Variants in KRT84 observed in about 807,000 individuals in gnomAD.
The protein encoded by KRT84 is keratin 84, also known as keratin, type II cuticular Hb4.
Under a neutral mutation model 49.0 loss-of-function variants are expected in KRT84, and 38 were observed. The observed-to-expected ratio is 0.78, with a 90% CI of 0.60 to 1.02. The LOEUF (loss-of-function observed/expected upper bound fraction) is 1.02. Among genes scored for constraint, KRT84 ranks in the 50% least tolerant of loss-of-function variants. KRT84 has a pLI of 0.00. For synonymous variants in KRT84, 334 were observed against 312.8 expected, an observed-to-expected ratio of 1.07 and a Z score of -0.72; for missense variants, 860 against 788.6, an observed-to-expected ratio of 1.09 and a Z score of -1.08.
At position 52,383,664 on chromosome 12, in the gene KRT84, C is replaced by A; in HGVS notation, c.681G>T (p.Val227=). 2 of 1,614,182 alleles carry A rather than the reference C, an allele frequency of 1.2e-6. No homozygotes were observed. The highest frequency in any genetic ancestry group is 1.7e-6 in the Non-Finnish European group (2 of 1,180,052). ...GGAGCCGGGCCTGATCACTGACCAG[C>A]ACCTCCAACTGCCTCCGCAGGTTGG... ...YITNLRRQLE[V]LVSDQARLQA... The change falls in exon 2 of 9, where the codon GTG becomes GTT. Residue 227 remains valine (V), a synonymous_variant. Transcript: ENST00000257951.
chr12:52,378,306 C>G lies in KRT84; in HGVS notation c.1531G>C (p.Gly511Arg), dbSNP rs369407347. The G allele has an allele frequency of 1.3e-6, 2 of 1,539,152 alleles. No individual in the cohort carries two copies. Among genetic ancestry groups the G allele is most frequent in the African/African-American group, 1.4e-5 (1 of 72,800 alleles). ...CTGCTGCTACCTGAGAAGGTGACCC[C>G]GCCGCGGGAGAGGGTGGAGCCGGCA... ...LVAGSTLSRG[G>R]VTFSGSSSVC... Residue 511 changes from glycine (G) to arginine (R), a missense_variant, in exon 9 of 9, where the codon GGG becomes CGG. By Grantham distance (125) the Gly-to-Arg change is moderately radical. Transcript: ENST00000257951.
At chr12:52,386,043 T>C (rs1472681518), upstream of KRT84, among the ~76,000 whole-genome samples, 2 of 152,174 alleles carry the variant, frequency 1.3e-5, no homozygotes, top group Non-Finnish European at 2.9e-5. Context: ...ATGGGATGCA[T>C]CCATGAAGAT....
chr12:52,380,395 G>C lies in KRT84; in HGVS notation c.1392C>G (p.Thr464=). The part of the protein sequence containing the change: ...AKLGLDIEIA[T]YRRLLEGEES... The stretch of plus-strand genomic sequence containing the variant: ...CCTCGCCCTCCAGCAGGCGCCTGTA[G>C]GTGGCGATCTCGATGTCCAGGCCCA... The change falls in exon 7 of 9, where the codon ACC becomes ACG. Residue 464 remains threonine (T), a synonymous_variant. Coordinates refer to ENST00000257951, the MANE Select transcript of KRT84 (RefSeq NM_033045.4). The C allele has an allele frequency of 6.2e-7, 1 of 1,614,172 alleles. No individual in the cohort carries two copies. Among genetic ancestry groups the C allele is most frequent in the Non-Finnish European group, 8.5e-7 (1 of 1,180,026 alleles).
At chr12:52,383,539 TG>T in intron 2 of KRT84, 50 bp downstream of exon 2, 1 of 1,500,250 alleles carries the variant, frequency 6.7e-7, no homozygotes. Context: ...CAGCTAATTC[TG>T]GGGCCAGGCC....
Position 52,383,622 on chromosome 12 carries a change from G to T in KRT84, c.723C>A (p.His241Gln). ...DQARLQAERN[H>Q]LQDVLEGFKK... Reference sequence around the variant, plus strand: ...TGAAGCCCTCTAGGACATCCTGCAGGTGGTTCCTCTCAGCCTGGAGCCGGG... The same window carrying T: ...TGAAGCCCTCTAGGACATCCTGCAGTTGGTTCCTCTCAGCCTGGAGCCGGG... Residue 241 changes from histidine (H) to glutamine (Q), a missense_variant, in exon 2 of 9, where the codon CAC becomes CAA. Coordinates refer to ENST00000257951, the MANE Select transcript of KRT84 (RefSeq NM_033045.4). 2 of 1,613,628 alleles carry T rather than the reference G, an allele frequency of 1.2e-6. No homozygotes were observed. The highest frequency in any genetic ancestry group is 1.7e-6 in the Non-Finnish European group (2 of 1,180,026).
In KRT84 at chr12:52,380,043, G is replaced by A. The variant is rs552164746; in HGVS notation, c.1425-136C>T. On this transcript the variant is annotated intron_variant, in intron 7 of 8. Transcript: ENST00000257951. ...ACCCCTGGTTATACACACATCTGGG[G>A]AGCGTTGAAAAACACGTTCTTAGAC... is the stretch of plus-strand genomic sequence containing the variant. 6 of 770,450 alleles carry A rather than the reference G, an allele frequency of 7.8e-6. No individual in the cohort carries two copies. In the Admixed American group the frequency reaches 1.4e-4, roughly 17 times the overall value. The allele number at this position is 770,450 out of a possible 1,614,324, so 47.7% of individuals were successfully genotyped here. A position where few individuals can be genotyped will look rare whatever the true frequency, so the allele number is the denominator to read the frequency against.
At chr12:52,386,100 A>C (rs1208962244), upstream of KRT84, among the ~76,000 whole-genome samples, 1 of 152,238 alleles carries the variant, frequency 6.6e-6, no homozygotes, top group African/African-American at 2.4e-5. Context: ...CCAAGTAAGA[A>C]GTGATATGGA....
chr12:52,379,728 C>T, intron 8 of KRT84, 148 bp downstream of exon 8: 1 of 688,260 alleles, frequency 1.5e-6, no homozygotes, highest in Admixed American at 2.6e-5. Context: ...GAAGATGCTC[C>T]CCATCCAGGG....
intron 7 of KRT84, 43 bp downstream of exon 7, chr12:52,380,320 C>T: frequency 6.2e-7 from 1 of 1,605,516 alleles, no homozygotes; most frequent in Non-Finnish European, 8.5e-7. Context: ...TTTCTAGATG[C>T]CTAAGTCTGA....
chr12:52,381,300 C>T (rs373486959), intron 5 of KRT84, 61 bp downstream of exon 5: 1 of 1,610,972 alleles, frequency 6.2e-7, no homozygotes, highest in Non-Finnish European at 8.5e-7. Context: ...TGGGCCTGAT[C>T]TGTTATATAT....
At chr12:52,378,483 T>G in intron 8 of KRT84, 103 bp from the exon 9 acceptor site, 1 of 897,172 alleles carries the variant, frequency 1.1e-6, no homozygotes, top group Non-Finnish European at 1.6e-6. Context: ...GGGAGTGGGG[T>G]CAGGGTTGTG....
rs376898463 is a variant in KRT84, at chr12:52,381,414, C to T, written c.1024G>A (p.Glu342Lys). The T allele has an allele frequency of 5.0e-6, 8 of 1,614,096 alleles. No individual in the cohort carries two copies. The highest frequency in any genetic ancestry group is 2.7e-5 in the African/African-American group (2 of 74,928). ...GCCCGGCTGCGCCTGGCCACCTCCTCATACTGGGCCTTGACCTCAGCAATG... is the reference window on the plus strand; with the variant it reads ...GCCCGGCTGCGCCTGGCCACCTCCTTATACTGGGCCTTGACCTCAGCAATG... Reference protein sequence around the residue: ...GIIAEVKAQYEEVARRSRADA... With the variant: ...GIIAEVKAQYKEVARRSRADA... The change falls in exon 5 of 9, where the codon GAG (glutamate) becomes AAG (lysine). Residue 342 changes from glutamate (E) to lysine (K), a missense_variant. Glu to Lys is a moderately conservative substitution (Grantham distance 56). Coordinates refer to ENST00000257951, the MANE Select transcript of KRT84 (RefSeq NM_033045.4).
chr12:52,382,538 T>C lies in KRT84; in HGVS notation c.817-6A>G, dbSNP rs188614347. ...ATGAAAGCTGCATCCACATCCTGTATAAAACAGAGAAGGATAAATACTCAT... is the reference window on the plus strand; with the variant it reads ...ATGAAAGCTGCATCCACATCCTGTACAAAACAGAGAAGGATAAATACTCAT... On this transcript the variant is annotated splice_polypyrimidine_tract_variant and splice_region_variant and intron_variant, in intron 3 of 8. Coordinates refer to ENST00000257951, the MANE Select transcript of KRT84 (RefSeq NM_033045.4). The C allele has an allele frequency of 1.2e-5, 19 of 1,608,346 alleles. No individual in the cohort carries two copies. In the African/African-American group the frequency reaches 2.3e-4, roughly 19 times the overall value.
At chr12:52,386,093 A>G (rs959449327), upstream of KRT84, among the ~76,000 whole-genome samples, 1 of 152,232 alleles carries the variant, frequency 6.6e-6, no homozygotes, top group African/African-American at 2.4e-5. Context: ...CACATCTCCA[A>G]GTAAGAAGTG....
intron 6 of KRT84, 130 bp downstream of exon 6, chr12:52,380,950 G>T: frequency 7.8e-7 from 1 of 1,283,078 alleles, no homozygotes; most frequent in Non-Finnish European, 1.1e-6. Context: ...AAGCCTTCCT[G>T]GACTGATCCC....
chr12:52,382,633 G>T, intron 3 of KRT84, 101 bp from the exon 4 acceptor site: 3 of 916,050 alleles, frequency 3.3e-6, no homozygotes, highest in East Asian at 2.5e-5. Flanking sequence ...ACTTCCCACA[G>T]ATGGTAAGGT....
chr12:52,384,246 GATATTCCATTGGCT>G (rs1939536240), intron 1 of KRT84, among the ~76,000 whole-genome samples: 1 of 64,514 alleles, frequency 1.6e-5, no homozygotes, highest in East Asian at 3.6e-4. Flanking sequence ...CAACATCGCA[GATATTCCATTGGCT>G]ATGTGTAGAG....
In KRT84 at chr12:52,385,193, G is replaced by T; in HGVS notation, c.393C>A (p.Val131=). Residue 131 remains valine, a synonymous_variant, in exon 1 of 9, where the codon GTC becomes GTA. Transcript: ENST00000257951. ...CAGCTGTGATAGATGGGGCTGCTGG[G>T]ACTCCAACCCCTCCAACTCTGTAAC... The part of the protein sequence containing the change: ...GFGYRVGGVG[V]PAAPSITAVT... 1 of 1,610,380 alleles carries T rather than the reference G, an allele frequency of 6.2e-7. No homozygotes were observed. The highest frequency in any genetic ancestry group is 1.1e-5 in the South Asian group (1 of 90,716).
rs1289852211 is a variant in KRT84, at chr12:52,378,346, C to A, written c.1491G>T (p.Gly497=). ...TGGAGCCGGCAACCAAAGGCTCAGGCCCGCACACCAGGCCGCCCCGGGAGC... is the reference window on the plus strand; with the variant it reads ...TGGAGCCGGCAACCAAAGGCTCAGGACCGCACACCAGGCCGCCCCGGGAGC... The part of the protein sequence containing the change: ...VSSSRGGLVC[G]PEPLVAGSTL... Residue 497 remains glycine (G), a synonymous_variant, in exon 9 of 9, where the codon GGG becomes GGT. Transcript: ENST00000257951. 41 of 1,497,582 alleles carry A rather than the reference C, an allele frequency of 2.7e-5. No homozygotes were observed. Among genetic ancestry groups the A allele is most frequent in the Non-Finnish European group, 3.3e-5 (37 of 1,127,756 alleles). The allele number at this position is 1,497,582 out of a possible 1,614,324, so 92.8% of individuals were successfully genotyped here.
Sources: allele counts gnomAD v4.1 joint callset (sites outside exome capture counted in the v4.1 genomes callset), GRCh38; gene constraint gnomAD v4.1.1; transcripts MANE v1.5; gene names NCBI Gene and HGNC (gene_info 2026-07-23, HGNC 2026-07-21).